NAV2: variants seen among roughly 807,000 people sequenced by gnomAD.
The protein encoded by NAV2 is helicase, APC down-regulated 1.
Under a neutral mutation model 223.2 loss-of-function variants are expected in NAV2, and 54 were observed. That is an observed-to-expected ratio of 0.24 (90% CI 0.19 to 0.30). NAV2 has a LOEUF of 0.30. Among genes scored for constraint, NAV2 ranks in the 10% least tolerant of loss-of-function variants. NAV2 has a pLI of 1.00. For missense variants in NAV2, 2,806 were observed against 3,147.5 expected (o/e 0.89, Z 2.60); for synonymous variants, 1,279 against 1,239.3 (o/e 1.03, Z -0.67).
chr11:19,924,142 A>G (rs376824883), intron 6 of NAV2, among the ~76,000 whole-genome samples: 85 of 152,270 alleles, frequency 5.6e-4, no homozygotes, highest in African/African-American at 1.9e-3. Context: ...ATAGGGTCAA[A>G]CATAAGCCCA....
At chr11:20,116,341 GTTGAAGA>G (rs1223669393) in intron 37 of NAV2, among the ~76,000 whole-genome samples, 3 of 152,188 alleles carry the variant, frequency 2.0e-5, no homozygotes, top group Non-Finnish European at 2.9e-5. Flanking sequence ...CTGTGGTTCT[GTTGAAGA>G]TTGCAGTGGG....
At position 20,103,668 on chromosome 11, in the gene NAV2, C is replaced by T; in HGVS notation, c.6588C>T (p.Gly2196=). Residue 2196 remains glycine (G), a synonymous_variant, in exon 34 of 38, where the codon GGC becomes GGT. Coordinates refer to ENST00000349880, the MANE Select transcript of NAV2 (RefSeq NM_145117.5). ...CKYHKCPYII[G]TMNQATSSTP... ...TTATCCGCAGCCCTTACATAATTGG[C>T]ACAATGAACCAGGCTACCTCTTCGA... is the stretch of plus-strand genomic sequence containing the variant. 1 of 1,614,106 alleles carries T rather than the reference C, an allele frequency of 6.2e-7. No homozygotes were observed. Among genetic ancestry groups the T allele is most frequent in the Non-Finnish European group, 8.5e-7 (1 of 1,179,986 alleles).
intron 35 of NAV2, among the ~76,000 whole-genome samples, chr11:20,106,157 A>G (rs9667598): frequency 0.19 from 1,804 of 9,318 alleles, 374 homozygotes; most frequent in South Asian, 0.61. Context: ...GTGTGTGTGT[A>G]TATATATATA....
intron 1 of NAV2, chr11:19,385,149 A>T (rs1590095446): frequency 6.6e-6 from 1 of 152,252 alleles, no homozygotes; most frequent in African/African-American, 2.4e-5. Flanking sequence ...TATACTCACT[A>T]GAATGGCTAA....
At chr11:19,691,928 A>G (rs542985380) in intron 1 of NAV2, among the ~76,000 whole-genome samples, 126 of 152,350 alleles carry the variant, frequency 8.3e-4, no homozygotes, top group African/African-American at 3.0e-3. Flanking sequence ...TCTGCCTTCA[A>G]TTAGGAGACA....
At chr11:20,084,571 G>A (rs2060297204) in intron 26 of NAV2, among the ~76,000 whole-genome samples, 1 of 152,170 alleles carries the variant, frequency 6.6e-6, no homozygotes, top group Non-Finnish European at 1.5e-5. Context: ...TTGAATGGGG[G>A]AAGGAAGAAG....
At chr11:20,028,465 C>A (rs960149027) in intron 11 of NAV2, among the ~76,000 whole-genome samples, 1 of 152,338 alleles carries the variant, frequency 6.6e-6, no homozygotes, top group Non-Finnish European at 1.5e-5. Flanking sequence ...TAAAATGCTA[C>A]ATGTTGGCCA....
chr11:19,768,048 A>G (rs1283027269), intron 1 of NAV2, among the ~76,000 whole-genome samples: 1 of 152,258 alleles, frequency 6.6e-6, no homozygotes, highest in Non-Finnish European at 1.5e-5. Flanking sequence ...ATCCTCAGCA[A>G]TCCTGGGAAA....
chr11:20,022,240 C>G (rs1023303888), intron 11 of NAV2, among the ~76,000 whole-genome samples: 3 of 152,190 alleles, frequency 2.0e-5, no homozygotes, highest in African/African-American at 7.2e-5. Flanking sequence ...TTCATAGCAT[C>G]TGTTTACATA....
chr11:19,760,885 A>G (rs2054683479), intron 1 of NAV2, among the ~76,000 whole-genome samples: 1 of 151,496 alleles, frequency 6.6e-6, no homozygotes. Flanking sequence ...ATGGGCGTGA[A>G]TGAGTAATTC....
chr11:19,438,324 C>T (rs1331430566), intron 1 of NAV2, among the ~76,000 whole-genome samples: 1 of 152,230 alleles, frequency 6.6e-6, no homozygotes, highest in Non-Finnish European at 1.5e-5. Context: ...TCATCAACCA[C>T]TGTGTGTGGC....
At chr11:19,457,909 A>G (rs1460650607) in intron 1 of NAV2, among the ~76,000 whole-genome samples, 1 of 152,150 alleles carries the variant, frequency 6.6e-6, no homozygotes, top group African/African-American at 2.4e-5. Context: ...TGAGGCACAG[A>G]AGTGGGTTGC....
At chr11:19,436,420 A>G (rs1851218188) in intron 1 of NAV2, among the ~76,000 whole-genome samples, 2 of 152,138 alleles carry the variant, frequency 1.3e-5, no homozygotes, top group African/African-American at 4.8e-5. Flanking sequence ...TCTGTAGCCT[A>G]TTCCATTGGT....
At chr11:19,378,419 G>A (rs989252992) in intron 1 of NAV2, among the ~76,000 whole-genome samples, 4 of 152,076 alleles carry the variant, frequency 2.6e-5, no homozygotes, top group Non-Finnish European at 5.9e-5. Context: ...CCTGATGAGA[G>A]ACACCTTATC....
chr11:19,621,034 T>G lies in NAV2; in HGVS notation c.76-211450T>G, dbSNP rs879456272. ...TTGAGATAATCATGTGGTTTTTGTC[T>G]TTGATTCTGTTTATATGACGGATTA... On this transcript the variant is annotated intron_variant, in intron 1 of 37. Transcript: ENST00000360655. 4.3e-4 allele frequency among the ~76,000 whole-genome samples: 65 copies of G among 152,208 alleles called. 1 individual carries two copies. The highest frequency in any genetic ancestry group is 7.6e-4 in the Non-Finnish European group (52 of 68,036).
intron 1 of NAV2, among the ~76,000 whole-genome samples, chr11:19,439,207 T>C (rs773581037): frequency 2.6e-5 from 4 of 152,184 alleles, no homozygotes; most frequent in Non-Finnish European, 4.4e-5. Flanking sequence ...AGAAACTCTC[T>C]GCCAGGAACC....
intron 11 of NAV2, among the ~76,000 whole-genome samples, chr11:20,010,739 T>C (rs552776634): frequency 1.1e-4 from 17 of 152,336 alleles, no homozygotes; most frequent in African/African-American, 3.8e-4. Flanking sequence ...ATCTGTTTTA[T>C]AGCATTGGCT....
chr11:19,877,470 C>CTTTTTTTTTTTTTTCTTTTTTT (rs1555114909), intron 4 of NAV2, among the ~76,000 whole-genome samples: 1 of 82,622 alleles, frequency 1.2e-5, no homozygotes, highest in East Asian at 3.3e-4. Context: ...TATCTTCATT[C>CTTTTTTTTTTTTTTCTTTTTTT]TTTTTTTTTT....
chr11:19,395,215 C>T (rs192221279), intron 1 of NAV2, among the ~76,000 whole-genome samples: 19 of 152,320 alleles, frequency 1.2e-4, no homozygotes, highest in South Asian at 1.2e-3. Flanking sequence ...GCATGCTGTG[C>T]GTGTTAGTGC....
Sources: gnomAD v4.1 joint callset for allele counts (sites outside exome capture counted in the v4.1 genomes callset) on GRCh38, gnomAD v4.1.1 for gene constraint, MANE v1.5 for transcripts, NCBI Gene and HGNC (gene_info 2026-07-23, HGNC 2026-07-21) for gene names.